The following CDH7 variants were observed in gnomAD, a reference collection of about 807,000 sequenced individuals.
The protein encoded by CDH7 is cadherin-7.
In CDH7, 25 loss-of-function variants were observed where a neutral mutation model predicts 71.8. That is an observed-to-expected ratio of 0.35 (90% CI 0.25 to 0.49). The LOEUF is 0.49. Ranked by LOEUF, CDH7 falls within the 20% of genes least tolerant of loss-of-function variation. The pLI is 0.99. For missense variants in CDH7, 862 were observed against 974.6 expected (o/e 0.88, Z 1.54); for synonymous variants, 381 against 363.8 (o/e 1.05, Z -0.54).
rs1910119934 is a variant in CDH7, at chr18:65,780,021, T to C, written c.210+16969T>C. On this transcript the variant is annotated intron_variant, in intron 2 of 11. Coordinates refer to ENST00000397968, the MANE Select transcript of CDH7 (RefSeq NM_004361.5). ...CTAACTGGTGTGAGATTATATCTCA[T>C]AGTGGTTTTGATTTGCATCTCTCTG... Among the ~76,000 whole-genome samples, 2 of 111,012 alleles carry C rather than the reference T, an allele frequency of 1.8e-5. 1 individual carries two copies. Among genetic ancestry groups the C allele is most frequent in the Non-Finnish European group, 3.3e-5 (2 of 59,738 alleles). The allele number at this position is 111,012 out of a possible 152,430, so 72.8% of individuals were successfully genotyped here. A position where few individuals can be genotyped will look rare whatever the true frequency, so the allele number is the denominator to read the frequency against.
intron 2 of CDH7, among the ~76,000 whole-genome samples, chr18:65,799,518 A>C (rs1032149284): frequency 6.6e-6 from 1 of 152,072 alleles, no homozygotes; most frequent in African/African-American, 2.4e-5. Context: ...TCTACTAAAA[A>C]CACAAAAATT....
At chr18:65,760,937 CTTAA>C (rs1276559026) in intron 1 of CDH7, among the ~76,000 whole-genome samples, 6 of 152,176 alleles carry the variant, frequency 3.9e-5, no homozygotes, top group African/African-American at 1.4e-4. Flanking sequence ...AAACTTCCAA[CTTAA>C]TTAAGGGGCC....
intron 2 of CDH7, among the ~76,000 whole-genome samples, chr18:65,806,491 C>G (rs965859748): frequency 2.0e-5 from 3 of 152,022 alleles, no homozygotes; most frequent in Admixed American, 6.6e-5. Flanking sequence ...TATTCTGCCC[C>G]CAAATAGAGC....
At chr18:65,877,550 T>C (rs2144067159) in intron 11 of CDH7, among the ~76,000 whole-genome samples, 1 of 152,228 alleles carries the variant, frequency 6.6e-6, no homozygotes, top group South Asian at 2.1e-4. Flanking sequence ...CTGACTCTCA[T>C]ACTCATTCAT....
At chr18:65,848,057 AT>A (rs1210316617) in intron 7 of CDH7, among the ~76,000 whole-genome samples, 1 of 151,978 alleles carries the variant, frequency 6.6e-6, no homozygotes, top group Non-Finnish European at 1.5e-5. Context: ...TTATCATATC[AT>A]GTAAATTTTG....
intron 2 of CDH7, among the ~76,000 whole-genome samples, chr18:65,797,991 T>C (rs758842416): frequency 1.4e-4 from 21 of 152,158 alleles, no homozygotes; most frequent in Non-Finnish European, 3.1e-4. Context: ...CTGACTGAAT[T>C]ATTCAGTAGT....
intron 3 of CDH7, among the ~76,000 whole-genome samples, chr18:65,812,964 G>C (rs1599024054): frequency 6.6e-6 from 1 of 152,284 alleles, no homozygotes; most frequent in East Asian, 1.9e-4. Flanking sequence ...TTCTTAAAAA[G>C]ATTTAAAATA....
intron 2 of CDH7, among the ~76,000 whole-genome samples, chr18:65,807,723 T>A (rs991932366): frequency 6.6e-6 from 1 of 152,176 alleles, no homozygotes; most frequent in African/African-American, 2.4e-5. Context: ...GGGAGTCAAG[T>A]CTTTTGCTAT....
At position 65,777,564 on chromosome 18, in the gene CDH7, TA is replaced by T. The variant is rs1332993910; in HGVS notation, c.210+14513del. Among the ~76,000 whole-genome samples the T allele has an allele frequency of 2.0e-5, 3 of 152,048 alleles. No individual in the cohort carries two copies. In the East Asian group the frequency reaches 5.8e-4, roughly 30 times the overall value. On this transcript the variant is annotated intron_variant, in intron 2 of 11. Transcript: ENST00000397968. Reference sequence around the variant, plus strand: ...TCTGGTTAAGTGGAAAGCATACTTGTATTTGCATGACAAATTCATCACTGCA... The same window carrying T: ...TCTGGTTAAGTGGAAAGCATACTTGTTTTGCATGACAAATTCATCACTGCA...
At chr18:65,791,339 C>T (rs527794179) in intron 2 of CDH7, among the ~76,000 whole-genome samples, 4 of 152,254 alleles carry the variant, frequency 2.6e-5, no homozygotes, top group Admixed American at 2.0e-4. Flanking sequence ...CCTGTTCTTT[C>T]TATGTGATGT....
intron 2 of CDH7, among the ~76,000 whole-genome samples, chr18:65,785,096 C>G (rs569896576): frequency 1.3e-5 from 2 of 151,980 alleles, no homozygotes; most frequent in Non-Finnish European, 2.9e-5. Flanking sequence ...TAACTTATTG[C>G]GACAATCCAC....
intron 7 of CDH7, among the ~76,000 whole-genome samples, chr18:65,853,048 A>G (rs925025482): frequency 6.6e-6 from 1 of 152,208 alleles, no homozygotes; most frequent in African/African-American, 2.4e-5. Context: ...AGCTGTCAGC[A>G]TAATAAGTGG....
chr18:65,869,387 G>C (rs1053201080), intron 11 of CDH7, among the ~76,000 whole-genome samples: 4 of 151,866 alleles, frequency 2.6e-5, no homozygotes, highest in African/African-American at 9.7e-5. Flanking sequence ...TAAAATCACA[G>C]ACTCTCCAGT....
At chr18:65,807,940 A>G (rs1333691549) in intron 2 of CDH7, among the ~76,000 whole-genome samples, 1 of 152,168 alleles carries the variant, frequency 6.6e-6, no homozygotes, top group Non-Finnish European at 1.5e-5. Context: ...CACACAGGGC[A>G]ACAATTCCTA....
At chr18:65,870,072 T>G (rs552463119) in intron 11 of CDH7, among the ~76,000 whole-genome samples, 22 of 152,164 alleles carry the variant, frequency 1.4e-4, no homozygotes, top group Non-Finnish European at 2.4e-4. Flanking sequence ...ATATAAGGGC[T>G]TAAGAAAAAA....
intron 6 of CDH7, among the ~76,000 whole-genome samples, chr18:65,835,061 C>T (rs1307241547): frequency 6.6e-6 from 1 of 152,138 alleles, no homozygotes; most frequent in Non-Finnish European, 1.5e-5. Context: ...GTGGCTCTGC[C>T]TCTATGGAGG....
chr18:65,765,816 G>A (rs1916344649), intron 2 of CDH7, among the ~76,000 whole-genome samples: 1 of 152,006 alleles, frequency 6.6e-6, no homozygotes, highest in Non-Finnish European at 1.5e-5. Context: ...TCTACTAGTT[G>A]TATAACTTGG....
At position 65,830,725 on chromosome 18, in the gene CDH7, CTCTT is replaced by C. The variant is rs10681636; in HGVS notation, c.981+5911_981+5914del. 6.8e-3 allele frequency among the ~76,000 whole-genome samples: 895 copies of C among 130,758 alleles called. 6 individuals are homozygous for C. Among genetic ancestry groups the C allele is most frequent in the Admixed American group, 0.012 (148 of 11,994 alleles). The allele number at this position is 130,758 out of a possible 152,430, so 85.8% of individuals were successfully genotyped here. On this transcript the variant is annotated intron_variant, in intron 6 of 11. Transcript: ENST00000397968. ...CTTTCTTTTTCTTCTTTCTCTCTCT[CTCTT>C]TCTTTCTTTCTTTCTTCCTCTTTCT...
chr18:65,808,362 G>C (rs1178215799), intron 2 of CDH7, among the ~76,000 whole-genome samples: 1 of 151,946 alleles, frequency 6.6e-6, no homozygotes, highest in East Asian at 1.9e-4. Flanking sequence ...AATGACTTAA[G>C]ACAGTTAAAT....
Sources: gnomAD v4.1 joint callset for allele counts (sites outside exome capture counted in the v4.1 genomes callset) on GRCh38, gnomAD v4.1.1 for gene constraint, MANE v1.5 for transcripts, NCBI Gene and HGNC (gene_info 2026-07-23, HGNC 2026-07-21) for gene names.